Variants in RASGEF1B observed in about 807,000 individuals in gnomAD.
RASGEF1B encodes the protein ras-GEF domain-containing family member 1B.
Under a neutral mutation model 65.7 loss-of-function variants are expected in RASGEF1B, and 30 were observed. The observed-to-expected ratio is 0.46, with a 90% CI of 0.34 to 0.62. The LOEUF (loss-of-function observed/expected upper bound fraction) is 0.62. RASGEF1B is among the 20% of genes least tolerant of loss of function. RASGEF1B has a pLI of 0.01. For synonymous variants in RASGEF1B, 175 were observed against 194.8 expected (o/e 0.90, Z 0.85); for missense variants, 495 against 580.1 (o/e 0.85, Z 1.51).
At chr4:81,442,206 C>A in intron 9 of RASGEF1B, 91 bp downstream of exon 9, 1 of 852,304 alleles carries the variant, frequency 1.2e-6, no homozygotes, top group South Asian at 1.4e-5. Context: ...TTTCCTCTGT[C>A]GTAGTCTGAT....
chr4:81,428,458 T>C (rs1721302473), intron 13 of RASGEF1B, among the ~76,000 whole-genome samples: 1 of 152,246 alleles, frequency 6.6e-6, no homozygotes, highest in African/African-American at 2.4e-5. Flanking sequence ...ACTGAATATA[T>C]ACAGACTCTT....
At chr4:81,466,280 T>C (rs1267892699) in intron 1 of RASGEF1B, among the ~76,000 whole-genome samples, 1 of 152,130 alleles carries the variant, frequency 6.6e-6, no homozygotes, top group East Asian at 1.9e-4. Context: ...GAATTAAGAG[T>C]TCACGTATTT....
chr4:81,433,346 A>G (rs1056996379), intron 12 of RASGEF1B, among the ~76,000 whole-genome samples: 5 of 152,090 alleles, frequency 3.3e-5, no homozygotes, highest in African/African-American at 1.2e-4. Context: ...ATAAATCTCT[A>G]AGTATTTTAT....
At chr4:81,441,055 G>A in intron 9 of RASGEF1B, 126 bp from the exon 10 acceptor site, 1 of 607,002 alleles carries the variant, frequency 1.6e-6, no homozygotes. Flanking sequence ...GTAGGAATAT[G>A]ATTTATCCTT....
In RASGEF1B at chr4:81,456,735, C is replaced by G. The variant is rs778209373; in HGVS notation, c.354G>C (p.Thr118=). The change falls in exon 4 of 14, where the codon ACG becomes ACC. Residue 118 remains threonine (T), a synonymous_variant. Coordinates refer to ENST00000264400, the MANE Select transcript of RASGEF1B (RefSeq NM_152545.3). ...CCCGAAAATCATAGGGAAATGTTTC[C>G]GTCCATTCCGTGAGGAGTTGAAGGA... The part of the protein sequence containing the change: ...PKILQLLTEW[T]ETFPYDFRDE... 2 of 1,613,796 alleles carry G rather than the reference C, an allele frequency of 1.2e-6. No individual in the cohort carries two copies. Among genetic ancestry groups the G allele is most frequent in the South Asian group, 2.2e-5 (2 of 91,078 alleles).
Position 81,440,129 on chromosome 4 carries a change from C to T in RASGEF1B, c.1104+705G>A, listed in dbSNP as rs1394968175. On this transcript the variant is annotated intron_variant, in intron 10 of 13. Coordinates refer to ENST00000264400, the MANE Select transcript of RASGEF1B (RefSeq NM_152545.3). ...ACCTCCATCAAGCAACCTTCATTAA[C>T]CCAGTTACCATAACTAAGTATTCAC... Among the ~76,000 whole-genome samples the T allele has an allele frequency of 3.3e-5, 5 of 152,278 alleles. No individual in the cohort carries two copies. In the East Asian group the frequency reaches 7.7e-4, roughly 24 times the overall value.
chr4:81,449,122 T>C (rs1722156173), intron 4 of RASGEF1B, among the ~76,000 whole-genome samples: 1 of 152,196 alleles, frequency 6.6e-6, no homozygotes, highest in South Asian at 2.1e-4. Context: ...TACCACCTTC[T>C]TGACTTACAC....
At chr4:81,449,358 C>T (rs1231117914) in intron 4 of RASGEF1B, among the ~76,000 whole-genome samples, 1 of 152,202 alleles carries the variant, frequency 6.6e-6, no homozygotes, top group Non-Finnish European at 1.5e-5. Flanking sequence ...TAAAAAAGCA[C>T]TGCATGTAGT....
chr4:81,442,955 C>T lies in RASGEF1B; in HGVS notation c.929-579G>A, dbSNP rs116137594. 1.8e-3 allele frequency among the ~76,000 whole-genome samples: 276 copies of T among 152,368 alleles called. 2 individuals are homozygous for T. Among genetic ancestry groups the T allele is most frequent in the Non-Finnish European group, 3.1e-3 (210 of 68,038 alleles). ...GACCTAGAAACTAATGTGTCAAACA[C>T]GCTTTGCGTGTACTATCTCATACAT... is the stretch of plus-strand genomic sequence containing the variant. On this transcript the variant is annotated intron_variant, in intron 8 of 13. Coordinates refer to ENST00000264400, the MANE Select transcript of RASGEF1B (RefSeq NM_152545.3).
chr4:81,454,772 G>A (rs1722386097), intron 4 of RASGEF1B: 1 of 152,038 alleles, frequency 6.6e-6, no homozygotes, highest in Non-Finnish European at 1.5e-5. Context: ...TCGAGCACTT[G>A]GGTTCATCAT....
chr4:81,452,229 GCCTC>G (rs1722285126), intron 4 of RASGEF1B: 2 of 152,412 alleles, frequency 1.3e-5, no homozygotes, highest in Admixed American at 6.5e-5. Context: ...TCCTGCCTCA[GCCTC>G]CCAAGTAGCT....
intron 10 of RASGEF1B, 32 bp from the exon 11 acceptor site, chr4:81,434,766 G>A (rs367711466): frequency 1.7e-4 from 185 of 1,112,292 alleles, no homozygotes; most frequent in Non-Finnish European, 2.3e-4. Flanking sequence ...GGTTGGTCTG[G>A]GCAAACAAAT....
chr4:81,434,516 G>C (rs1027098131), intron 11 of RASGEF1B, 123 bp downstream of exon 11: 2 of 692,734 alleles, frequency 2.9e-6, no homozygotes, highest in African/African-American at 3.6e-5. Context: ...AAATAATATG[G>C]AAAGAGATAA....
intron 10 of RASGEF1B, among the ~76,000 whole-genome samples, chr4:81,436,941 C>G (rs1246872272): frequency 2.6e-5 from 4 of 152,172 alleles, no homozygotes; most frequent in African/African-American, 7.2e-5. Flanking sequence ...TTATCTCGGA[C>G]AGTCTCTAAA....
At chr4:81,461,347 C>T (rs373128295) in intron 1 of RASGEF1B, among the ~76,000 whole-genome samples, 9 of 152,318 alleles carry the variant, frequency 5.9e-5, no homozygotes, top group African/African-American at 1.9e-4. Context: ...ATTTGGTTGC[C>T]TCTGGCTTTA....
rs551512541 is a variant in RASGEF1B at position 81,465,517 on chromosome 4, C to T, written c.-6-6003G>A. Among the ~76,000 whole-genome samples the T allele has an allele frequency of 3.3e-5, 5 of 152,304 alleles. No individual in the cohort carries two copies. The East Asian group carries it at 5.8e-4, about 18-fold the overall frequency. On this transcript the variant is annotated intron_variant, in intron 1 of 13. Coordinates refer to ENST00000264400, the MANE Select transcript of RASGEF1B (RefSeq NM_152545.3). The stretch of plus-strand genomic sequence containing the variant: ...CTAATTTGGTCACAAAGATAGATCA[C>T]GTTCTTCCAAGGACCCTGAAAAAGT...
chr4:81,442,411 A>G (rs751548719), intron 8 of RASGEF1B, 35 bp from the exon 9 acceptor site: 9 of 1,206,866 alleles, frequency 7.5e-6, no homozygotes, highest in Non-Finnish European at 1.1e-5. Context: ...GAAAAAAGGA[A>G]AATTGAAAGA....
chr4:81,451,914 A>T (rs1429821660), intron 4 of RASGEF1B: 1 of 152,240 alleles, frequency 6.6e-6, no homozygotes, highest in Admixed American at 6.5e-5. Context: ...TCAGGGTACC[A>T]CACAAGGGTA....
rs562751319 is a variant in RASGEF1B at position 81,446,856 on chromosome 4, C to T, written c.729+648G>A. ...GTATTAGGAGACACTATTCTAAGGC[C>T]GGAAAGCAGCTGTTGCCCCCACTCT... On this transcript the variant is annotated intron_variant, in intron 6 of 13. Coordinates refer to ENST00000264400, the MANE Select transcript of RASGEF1B (RefSeq NM_152545.3). Among the ~76,000 whole-genome samples the T allele has an allele frequency of 8.5e-5, 13 of 152,286 alleles. No individual in the cohort carries two copies. In the South Asian group the frequency reaches 1.7e-3, roughly 19 times the overall value.
Sources: gnomAD v4.1 joint callset for allele counts (sites outside exome capture counted in the v4.1 genomes callset) on GRCh38, gnomAD v4.1.1 for gene constraint, MANE v1.5 for transcripts, NCBI Gene and HGNC (gene_info 2026-07-23, HGNC 2026-07-21) for gene names.